Variants in SMC3 observed in about 807,000 individuals in gnomAD.
The protein encoded by SMC3 is structural maintenance of chromosomes 3, also known as structural maintenance of chromosomes protein 3.
In SMC3, 20 loss-of-function variants were observed where a neutral mutation model predicts 171.8. The ratio of observed to expected loss-of-function variants is 0.12; its 90% CI spans 0.08 to 0.17. SMC3 has a LOEUF of 0.17. SMC3 is among the 10% of genes least tolerant of loss of function. SMC3 has a pLI of 1.00. For synonymous variants in SMC3, 464 were observed against 451.1 expected (o/e 1.03, Z -0.36); for missense variants, 543 against 1,420.4 (o/e 0.38, Z 9.93).
At chr10:110,584,636 A>AT (rs1365383437) in intron 13 of SMC3, among the ~76,000 whole-genome samples, 4 of 152,020 alleles carry the variant, frequency 2.6e-5, no homozygotes, top group Non-Finnish European at 5.9e-5. Context: ...TGTATTTTTA[A>AT]TTTTTTTGAG....
At chr10:110,570,775 A>G (rs1860859579) in intron 2 of SMC3, among the ~76,000 whole-genome samples, 1 of 152,214 alleles carries the variant, frequency 6.6e-6, no homozygotes. Flanking sequence ...GCAGCATTAG[A>G]TTTGTTAATA....
chr10:110,587,930 T>C (rs1381489017), intron 13 of SMC3, among the ~76,000 whole-genome samples: 1 of 152,198 alleles, frequency 6.6e-6, no homozygotes, highest in Non-Finnish European at 1.5e-5. Context: ...TACCACTGAG[T>C]CCCAAATTCC....
At chr10:110,579,367 GT>G (rs1239569963) in intron 7 of SMC3, among the ~76,000 whole-genome samples, 7 of 150,908 alleles carry the variant, frequency 4.6e-5, no homozygotes, top group Non-Finnish European at 8.8e-5. Context: ...GGAAGAACAC[GT>G]TTTTTTCCGA....
intron 16 of SMC3, 91 bp from the exon 17 acceptor site, chr10:110,590,900 A>C: frequency 8.8e-7 from 1 of 1,142,756 alleles, no homozygotes; most frequent in Non-Finnish European, 1.3e-6. Context: ...CCAGCTATGC[A>C]GGAGGCTGAG....
intron 1 of SMC3, 122 bp downstream of exon 1, chr10:110,567,953 G>A (rs1170481506): frequency 7.5e-6 from 9 of 1,206,744 alleles, no homozygotes; most frequent in East Asian, 2.5e-5. Flanking sequence ...AGGGCTGGGC[G>A]GGGACTGTGG....
intron 23 of SMC3, among the ~76,000 whole-genome samples, 161 bp from the exon 24 acceptor site, chr10:110,601,476 T>C (rs950742319): frequency 1.3e-5 from 2 of 152,218 alleles, no homozygotes; most frequent in Non-Finnish European, 2.9e-5. Context: ...TATATACTTC[T>C]AATTTTGTAC....
At chr10:110,589,555 GTA>G (rs1861176311) in intron 13 of SMC3, 48 bp from the exon 14 acceptor site, 4 of 1,189,870 alleles carry the variant, frequency 3.4e-6, no homozygotes, top group Non-Finnish European at 4.9e-6. Context: ...TTCTATCAGT[GTA>G]GATTAGTTTC....
chr10:110,601,108 A>C lies in SMC3; in HGVS notation c.2622A>C (p.Lys874Asn). ...SELEAINKRV[K>N]DTMARSEDLD... ...TTGAAGCCATCAATAAAAGAGTAAA[A>C]GACACTATGGCACGATCAGAAGGTG... The change falls in exon 23 of 29, where the codon AAA (lysine) becomes AAC (asparagine). Residue 874 changes from lysine (K) to asparagine (N), a missense_variant. Lys to Asn is a moderately conservative substitution (Grantham distance 94). This residue lies in a region of SMC3 where 81 missense variants were observed against 184.2 expected (regional missense o/e 0.44). Coordinates refer to ENST00000361804, the MANE Select transcript of SMC3 (RefSeq NM_005445.4). 1 of 1,613,426 alleles carries C rather than the reference A, an allele frequency of 6.2e-7. No homozygotes were observed. The highest frequency in any genetic ancestry group is 8.5e-7 in the Non-Finnish European group (1 of 1,179,476).
intron 5 of SMC3, 93 bp from the exon 6 acceptor site, chr10:110,577,742 A>C (rs2134719210): frequency 1.2e-6 from 1 of 841,964 alleles, no homozygotes; most frequent in Non-Finnish European, 1.9e-6. Flanking sequence ...TTTTAAAATA[A>C]ATACTTATGG....
chr10:110,589,883 A>G lies in SMC3; in HGVS notation c.1410-9A>G, dbSNP rs553999829. On this transcript the variant is annotated splice_polypyrimidine_tract_variant and intron_variant, in intron 14 of 28. Transcript: ENST00000361804. ...TAAAATTAAAGACAGTCTACTTTTT[A>G]TTTATTAGCTACTTGTGGAGAGAAG... The G allele has an allele frequency of 5.0e-5, 81 of 1,611,770 alleles. 2 individuals are homozygous for G. In the South Asian group the frequency reaches 8.7e-4, roughly 17 times the overall value.
chr10:110,573,561 G>T, intron 2 of SMC3, 146 bp from the exon 3 acceptor site: 1 of 425,668 alleles, frequency 2.3e-6, no homozygotes, highest in South Asian at 2.6e-5. Flanking sequence ...TGTTTTATTG[G>T]TTTCTTTTGT....
At chr10:110,603,844 C>T (rs772768180) in intron 28 of SMC3, among the ~76,000 whole-genome samples, 64 of 152,024 alleles carry the variant, frequency 4.2e-4, no homozygotes, top group Non-Finnish European at 4.6e-4. Flanking sequence ...GCCTGTAATC[C>T]CAGCACTTTG....
intron 17 of SMC3, 127 bp from the exon 18 acceptor site, chr10:110,592,946 A>C (rs1214818097): frequency 2.4e-6 from 2 of 837,198 alleles, no homozygotes; most frequent in Admixed American, 4.2e-5. Flanking sequence ...TTCAGGGAAA[A>C]CGCCAATCGT....
chr10:110,595,138 A>G (rs1407994899), intron 18 of SMC3, among the ~76,000 whole-genome samples: 1 of 151,890 alleles, frequency 6.6e-6, no homozygotes, highest in African/African-American at 2.4e-5. Flanking sequence ...ATGCGCCACT[A>G]TGCCCGGCTA....
chr10:110,605,901 A>G lies in SMC3; in HGVS notation c.*1599A>G, dbSNP rs201451616. Among the ~76,000 whole-genome samples, 386 of 152,330 alleles carry G rather than the reference A, an allele frequency of 2.5e-3. No homozygotes were observed. Among genetic ancestry groups the G allele is most frequent in the African/African-American group, 7.6e-3 (316 of 41,574 alleles). ...ATAATACAGAATTTGGTGTAAGGTA[A>G]GTTCCAGGATTCAATTCAAGGGATG... On this transcript the variant is annotated 3_prime_UTR_variant, in exon 29 of 29. Coordinates refer to ENST00000361804, the MANE Select transcript of SMC3 (RefSeq NM_005445.4).
chr10:110,577,311 A>G (rs1403579493), intron 4 of SMC3, 110 bp from the exon 5 acceptor site: 5 of 795,894 alleles, frequency 6.3e-6, no homozygotes, highest in African/African-American at 3.4e-5. Context: ...TCTAGCAGAA[A>G]TTTTTCTCCA....
In SMC3 at chr10:110,577,920, C is replaced by G. The variant is rs1441934780; in HGVS notation, c.350+6C>G. 1.3e-6 allele frequency: 2 copies of G among 1,598,486 alleles called. No individual in the cohort carries two copies. Among genetic ancestry groups the G allele is most frequent in the African/African-American group, 1.3e-5 (1 of 74,556 alleles). ...TTAGACAAGAAGATGGTCACGTAAG[C>G]ATTTTTCTTTTTTTTAAAAAAACTG... On this transcript the variant is annotated splice_donor_region_variant and intron_variant, in intron 6 of 28. Transcript: ENST00000361804.
chr10:110,581,716 A>C (rs1462176072), intron 8 of SMC3, among the ~76,000 whole-genome samples: 1 of 152,186 alleles, frequency 6.6e-6, no homozygotes, highest in African/African-American at 2.4e-5. Flanking sequence ...GTCATTGCCA[A>C]GGTCTGATTT....
chr10:110,589,143 A>G (rs1470714318), intron 13 of SMC3, among the ~76,000 whole-genome samples: 1 of 152,128 alleles, frequency 6.6e-6, no homozygotes, highest in Non-Finnish European at 1.5e-5. Flanking sequence ...TAATCTCAGC[A>G]CTTTGGGAGG....
Sources: allele counts gnomAD v4.1 joint callset (sites outside exome capture counted in the v4.1 genomes callset), GRCh38; gene constraint gnomAD v4.1.1; regional missense constraint gnomAD v4.1.1; transcripts MANE v1.5; gene names NCBI Gene and HGNC (gene_info 2026-07-23, HGNC 2026-07-21).